Variants in GDF2 observed in about 807,000 individuals in gnomAD.
GDF2 encodes growth/differentiation factor 2.
Under a neutral mutation model 16.9 loss-of-function variants are expected in GDF2, and 17 were observed. That is an observed-to-expected ratio of 1.00 (90% CI 0.69 to 1.51). The LOEUF is 1.51. Ranked by LOEUF, GDF2 falls within the 40% of genes most tolerant of loss-of-function variation. The pLI is 0.00. For missense variants in GDF2, 523 were observed against 556.3 expected (o/e 0.94, Z 0.60); for synonymous variants, 276 against 237.6 (o/e 1.16, Z -1.49).
chr10:47,326,584 G>T lies in GDF2; in HGVS notation c.*800G>T, dbSNP rs1555209164. On this transcript the variant is annotated 3_prime_UTR_variant, in exon 2 of 2. Transcript: ENST00000581492. Reference sequence around the variant, plus strand: ...ACTGAAAAATAACCCCAGGCCAACTGCAGGATAGAGAGAGAGGTCAGGACA... The same window carrying T: ...ACTGAAAAATAACCCCAGGCCAACTTCAGGATAGAGAGAGAGGTCAGGACA... 6.6e-6 allele frequency among the ~76,000 whole-genome samples: 1 copy of T among 152,228 alleles called. No homozygotes were observed. Among genetic ancestry groups the T allele is most frequent in the African/African-American group, 2.4e-5 (1 of 41,448 alleles).
rs1254605928 is a variant in GDF2 at position 47,322,962 on chromosome 10, C to T, written c.294C>T (p.Ser98=). ...YMIDLYNRYT[S]DKSTTPASNI... ...TTGACCTGTACAACAGGTACACGTCCGATAAGTCGACTACGCCAGCGTCCA... is the reference window on the plus strand; with the variant it reads ...TTGACCTGTACAACAGGTACACGTCTGATAAGTCGACTACGCCAGCGTCCA... Residue 98 remains serine (S), a synonymous_variant, in exon 1 of 2, where the codon TCC becomes TCT. Transcript: ENST00000581492. The T allele has an allele frequency of 8.1e-6, 13 of 1,611,168 alleles. No homozygotes were observed. The highest frequency in any genetic ancestry group is 4.0e-5 in the African/African-American group (3 of 74,992).
rs915899655 is a variant in GDF2 at position 47,327,413 on chromosome 10, G to A, written c.*1629G>A. On this transcript the variant is annotated 3_prime_UTR_variant, in exon 2 of 2. Coordinates refer to ENST00000581492, the MANE Select transcript of GDF2 (RefSeq NM_016204.4). The stretch of plus-strand genomic sequence containing the variant: ...AACAACTTTAACACACAAATACAAC[G>A]AAACATTCTTGTTTAATTACTGGCG... 1.3e-5 allele frequency among the ~76,000 whole-genome samples: 2 copies of A among 152,152 alleles called. No homozygotes were observed. Among genetic ancestry groups the A allele is most frequent in the Admixed American group, 6.5e-5 (1 of 15,276 alleles).
chr10:47,326,063 T>G lies in GDF2; in HGVS notation c.*279T>G. 3 of 340,060 alleles carry G rather than the reference T, an allele frequency of 8.8e-6. No individual in the cohort carries two copies. The highest frequency in any genetic ancestry group is 9.4e-5 in the East Asian group (2 of 21,342). 21.1% of individuals were successfully genotyped at this position (340,060 alleles called of 1,614,324 possible). On this transcript the variant is annotated 3_prime_UTR_variant, in exon 2 of 2. Transcript: ENST00000581492. ...AGGAGACAGGGGGAAAAATAATCCATAGTCAGCAGAAAACAACAGCAGTGA... is the reference window on the plus strand; with the variant it reads ...AGGAGACAGGGGGAAAAATAATCCAGAGTCAGCAGAAAACAACAGCAGTGA...
intron 1 of GDF2, among the ~76,000 whole-genome samples, chr10:47,323,897 GCTAAGGGGC>G (rs1588851327): frequency 6.6e-6 from 1 of 152,358 alleles, no homozygotes; most frequent in East Asian, 1.9e-4. Flanking sequence ...CTTGCAAATG[GCTAAGGGGC>G]CTGGCTCCAT....
In GDF2 at chr10:47,325,460, G is replaced by A; in HGVS notation, c.966G>A (p.Gly322=). 1 of 1,613,810 alleles carries A rather than the reference G, an allele frequency of 6.2e-7. No individual in the cohort carries two copies. Residue 322 remains glycine (G), a synonymous_variant, in exon 2 of 2, where the codon GGG becomes GGA. Coordinates refer to ENST00000581492, the MANE Select transcript of GDF2 (RefSeq NM_016204.4). ...STLARRKRSA[G]AGSHCQKTSL... ...TAGCCAGGCGGAAAAGGAGCGCCGG[G>A]GCTGGCAGCCACTGTCAAAAGACCT...
Position 47,322,846 on chromosome 10 carries a change from G to A in GDF2, c.178G>A (p.Glu60Lys). 1 of 1,614,160 alleles carries A rather than the reference G, an allele frequency of 6.2e-7. No individual in the cohort carries two copies. The highest frequency in any genetic ancestry group is 1.1e-5 in the South Asian group (1 of 91,090). ...CACCTTCAACCTGAAGATGTTTCTG[G>A]AGAACGTGAAGGTGGATTTCCTGCG... ...EHTFNLKMFL[E>K]NVKVDFLRSL... Residue 60 changes from glutamate (E) to lysine (K), a missense_variant, in exon 1 of 2, where the codon GAG becomes AAG. Physicochemically the swap from Glu to Lys is moderately conservative, Grantham distance 56. Transcript: ENST00000581492.
At position 47,322,507 on chromosome 10, in the gene GDF2, A is replaced by G. The variant is rs1161119998; in HGVS notation, c.-162A>G. On this transcript the variant is annotated 5_prime_UTR_variant, in exon 1 of 2. Coordinates refer to ENST00000581492, the MANE Select transcript of GDF2 (RefSeq NM_016204.4). ...GACCAGATAAGCACAAGTGGAGGAC[A>G]ATCCAGCCCGGCAGCGGGTGAGAGT... The G allele has an allele frequency of 5.3e-6, 3 of 570,486 alleles. No homozygotes were observed. In the East Asian group the frequency reaches 8.5e-5, roughly 16 times the overall value. The allele number at this position is 570,486 out of a possible 1,614,324, so 35.3% of individuals were successfully genotyped here.
chr10:47,324,747 C>A, intron 1 of GDF2, 94 bp from the exon 2 acceptor site: 1 of 814,420 alleles, frequency 1.2e-6, no homozygotes, highest in Non-Finnish European at 2.0e-6. Context: ...AATTGTTATC[C>A]CAGATGCTCT....
intron 1 of GDF2, among the ~76,000 whole-genome samples, chr10:47,324,627 T>C (rs2061097317): frequency 6.6e-6 from 1 of 152,236 alleles, no homozygotes; most frequent in African/African-American, 2.4e-5. Context: ...CAGTAGGAAC[T>C]CTCAATCCCA....
Position 47,325,397 on chromosome 10 carries a change from G to A in GDF2, c.903G>A (p.Glu301=), listed in dbSNP as rs199937159. ...CAGAGGCAGGTGAGAGCAGTCACGA[G>A]GAGGACACGGATGGCCACGTGGCTG... ...GSTEAGESSH[E]EDTDGHVAAG... Residue 301 remains glutamate (E), a synonymous_variant, in exon 2 of 2, where the codon GAG becomes GAA. Transcript: ENST00000581492. 2.1e-4 allele frequency: 347 copies of A among 1,613,980 alleles called. No homozygotes were observed. The highest frequency in any genetic ancestry group is 2.9e-4 in the Non-Finnish European group (340 of 1,180,054).
In GDF2 at chr10:47,325,876, G is replaced by A; in HGVS notation, c.*92G>A. ...GGCACAACAAGGACTGATTCAATCT[G>A]CATGCCAGCCTGGAGGAGGAAAGGG... On this transcript the variant is annotated 3_prime_UTR_variant, in exon 2 of 2. Coordinates refer to ENST00000581492, the MANE Select transcript of GDF2 (RefSeq NM_016204.4). 3 of 926,366 alleles carry A rather than the reference G, an allele frequency of 3.2e-6. No individual in the cohort carries two copies. The highest frequency in any genetic ancestry group is 1.6e-6 in the Non-Finnish European group (1 of 633,530). The allele number at this position is 926,366 out of a possible 1,614,324, so 57.4% of individuals were successfully genotyped here. A position where few individuals can be genotyped will look rare whatever the true frequency, so the allele number is the denominator to read the frequency against.
Position 47,325,795 on chromosome 10 carries a change from C to A in GDF2, c.*11C>A. ...TGTGGGTGCAGGTAGTATCTGCCTG[C>A]GGGGCTGGGGAGGCAGGCCAAAGGG... On this transcript the variant is annotated 3_prime_UTR_variant, in exon 2 of 2. Transcript: ENST00000581492. 1.3e-6 allele frequency: 2 copies of A among 1,518,434 alleles called. No homozygotes were observed. Among genetic ancestry groups the A allele is most frequent in the Non-Finnish European group, 1.8e-6 (2 of 1,132,080 alleles). 94.1% of individuals were successfully genotyped at this position (1,518,434 alleles called of 1,614,324 possible).
rs370388348 is a variant in GDF2 at position 47,324,806 on chromosome 10, C to G, written c.347-35C>G. 37 of 1,449,714 alleles carry G rather than the reference C, an allele frequency of 2.6e-5. No homozygotes were observed. In the African/African-American group the frequency reaches 4.5e-4, roughly 17 times the overall value. 89.8% of individuals were successfully genotyped at this position (1,449,714 alleles called of 1,614,324 possible). A position where few individuals can be genotyped will look rare whatever the true frequency, so the allele number is the denominator to read the frequency against. On this transcript the variant is annotated intron_variant, in intron 1 of 1. Coordinates refer to ENST00000581492, the MANE Select transcript of GDF2 (RefSeq NM_016204.4). The stretch of plus-strand genomic sequence containing the variant: ...CTTCAGTGTCATGGAAACAGACCCT[C>G]CAGCAGATGCCCACCACGTGTGTTT...
rs1293547430 is a variant in GDF2 at position 47,327,198 on chromosome 10, C to T, written c.*1414C>T. 2.0e-5 allele frequency among the ~76,000 whole-genome samples: 3 copies of T among 152,138 alleles called. No homozygotes were observed. The highest frequency in any genetic ancestry group is 1.9e-4 in the East Asian group (1 of 5,176). ...CTGTCTCTCCAGGCCACACATGGAACGGGGCGGTATGAGGAAGAGTCTGAA... is the reference window on the plus strand; with the variant it reads ...CTGTCTCTCCAGGCCACACATGGAATGGGGCGGTATGAGGAAGAGTCTGAA... On this transcript the variant is annotated 3_prime_UTR_variant, in exon 2 of 2. Coordinates refer to ENST00000581492, the MANE Select transcript of GDF2 (RefSeq NM_016204.4).
At position 47,325,202 on chromosome 10, in the gene GDF2, C is replaced by A. The variant is rs1555208940; in HGVS notation, c.708C>A (p.Gly236=). Reference sequence around the variant, plus strand: ...TGACTGTGGAGAGCCACAGGAAGGGCTGCGACACGCTGGACATCAGTGTCC... The same window carrying A: ...TGACTGTGGAGAGCCACAGGAAGGGATGCGACACGCTGGACATCAGTGTCC... The part of the protein sequence containing the change: ...LEVTVESHRK[G]CDTLDISVPP... The change falls in exon 2 of 2, where the codon GGC becomes GGA. Residue 236 remains glycine (G), a synonymous_variant. Transcript: ENST00000581492. The A allele has an allele frequency of 6.8e-6, 11 of 1,614,072 alleles. No homozygotes were observed. The East Asian group carries it at 2.5e-4, about 36-fold the overall frequency.
Position 47,322,848 on chromosome 10 carries a change from G to C in GDF2, c.180G>C (p.Glu60Asp). ...EHTFNLKMFL[E>D]NVKVDFLRSL... is the part of the protein sequence containing the mutation. ...CCTTCAACCTGAAGATGTTTCTGGA[G>C]AACGTGAAGGTGGATTTCCTGCGCA... The change falls in exon 1 of 2, where the codon GAG becomes GAC. Residue 60 changes from glutamate (E) to aspartate (D), a missense_variant. By Grantham distance (45) the Glu-to-Asp change is conservative. Coordinates refer to ENST00000581492, the MANE Select transcript of GDF2 (RefSeq NM_016204.4). 20 of 1,614,162 alleles carry C rather than the reference G, an allele frequency of 1.2e-5. No individual in the cohort carries two copies. The highest frequency in any genetic ancestry group is 1.6e-5 in the Non-Finnish European group (19 of 1,180,018).
Position 47,325,858 on chromosome 10 carries a change from C to G in GDF2, c.*74C>G. The G allele has an allele frequency of 1.8e-6, 2 of 1,102,364 alleles. No individual in the cohort carries two copies. Among genetic ancestry groups the G allele is most frequent in the Non-Finnish European group, 2.6e-6 (2 of 784,124 alleles). The allele number at this position is 1,102,364 out of a possible 1,614,324, so 68.3% of individuals were successfully genotyped here. A position where few individuals can be genotyped will look rare whatever the true frequency, so the allele number is the denominator to read the frequency against. On this transcript the variant is annotated 3_prime_UTR_variant, in exon 2 of 2. Transcript: ENST00000581492. ...AGGTCCTGCATGCCCCTGGGCACAA[C>G]AAGGACTGATTCAATCTGCATGCCA...
At chr10:47,323,631 C>G (rs1555208784) in intron 1 of GDF2, among the ~76,000 whole-genome samples, 1 of 152,196 alleles carries the variant, frequency 6.6e-6, no homozygotes, top group African/African-American at 2.4e-5. Context: ...TAGAAGATAA[C>G]AAACACGGAC....
In GDF2 at chr10:47,326,116, C is replaced by T. The variant is rs1555209142; in HGVS notation, c.*332C>T. On this transcript the variant is annotated 3_prime_UTR_variant, in exon 2 of 2. Transcript: ENST00000581492. ...CAGAGGAGCACAGGCGGGCAGGTCA[C>T]TGCAGAGACTGATGGAAGTTAGAGA... is the stretch of plus-strand genomic sequence containing the variant. The T allele has an allele frequency of 4.4e-6, 1 of 227,440 alleles. No individual in the cohort carries two copies. Among genetic ancestry groups the T allele is most frequent in the African/African-American group, 2.3e-5 (1 of 44,346 alleles). The allele number at this position is 227,440 out of a possible 1,614,324, so 14.1% of individuals were successfully genotyped here. A position where few individuals can be genotyped will look rare whatever the true frequency, so the allele number is the denominator to read the frequency against.
Sources: allele counts gnomAD v4.1 joint callset (sites outside exome capture counted in the v4.1 genomes callset), GRCh38; gene constraint gnomAD v4.1.1; transcripts MANE v1.5; gene names NCBI Gene and HGNC (gene_info 2026-07-23, HGNC 2026-07-21).